TCHP: variants seen among roughly 807,000 people sequenced by gnomAD.
TCHP encodes trichoplein keratin filament-binding protein.
TCHP carries 81 observed loss-of-function variants against 88.7 expected under a neutral mutation model. The observed-to-expected ratio is 0.91, with a 90% CI of 0.76 to 1.10. The LOEUF is 1.10. TCHP is among the 50% of genes least tolerant of loss of function. The probability of loss-of-function intolerance (pLI) is 0.00; values close to 1 mark genes in which losing one functional copy is unlikely to be tolerated. For synonymous variants in TCHP, 232 were observed against 232.5 expected, an observed-to-expected ratio of 1.00 and a Z score of 0.02; for missense variants, 641 against 632.1, an observed-to-expected ratio of 1.01 and a Z score of -0.15.
chr12:109,908,976 C>CT, intron 8 of TCHP, 39 bp downstream of exon 8: 2 of 1,598,276 alleles, frequency 1.3e-6, no homozygotes, highest in Non-Finnish European at 1.7e-6. Context: ...TTCTTAGCCT[C>CT]TTTTGTAAAA....
chr12:109,893,961 ATTAC>A, the TCHP span, among the ~76,000 whole-genome samples: 1 of 152,150 alleles, frequency 6.6e-6, no homozygotes, highest in Non-Finnish European at 1.5e-5. Context: ...AGGCACGTGG[ATTAC>A]TTGAGGTCAG....
rs781558731 is a variant in TCHP, at chr12:109,907,511, T to C, written c.526-15T>C. 2 of 1,613,468 alleles carry C rather than the reference T, an allele frequency of 1.2e-6. No individual in the cohort carries two copies. The highest frequency in any genetic ancestry group is 2.2e-5 in the East Asian group (1 of 44,872). ...CGGTACAGATATTGACCTGTGTTCA[T>C]TTGGTCCCTTGTAGCAAGAAGCCAC... On this transcript the variant is annotated splice_polypyrimidine_tract_variant and intron_variant, in intron 5 of 12. Transcript: ENST00000405876.
At chr12:109,909,278 T>C (rs1395826175) in intron 8 of TCHP, among the ~76,000 whole-genome samples, 1 of 152,220 alleles carries the variant, frequency 6.6e-6, no homozygotes, top group Non-Finnish European at 1.5e-5. Flanking sequence ...CATAGATGGA[T>C]AGATACAGGT....
At chr12:109,915,357 C>T (rs923855349) in intron 11 of TCHP, 46 bp from the exon 12 acceptor site, 2 of 1,613,640 alleles carry the variant, frequency 1.2e-6, no homozygotes, top group Admixed American at 1.7e-5. Flanking sequence ...AGGGCTCTGC[C>T]CTGTGGGCCT....
At chr12:109,908,507 AATGGAG>A (rs1359467017) in intron 6 of TCHP, 73 bp from the exon 7 acceptor site, 101 of 1,278,198 alleles carry the variant, frequency 7.9e-5, no homozygotes, top group Non-Finnish European at 1.1e-4. Flanking sequence ...GTCTGCGAAA[AATGGAG>A]ATGGAGAATG....
chr12:109,884,006 A>T, the TCHP span, among the ~76,000 whole-genome samples: 49 of 152,030 alleles, frequency 3.2e-4, no homozygotes, highest in African/African-American at 1.1e-3. Context: ...GAGACTTTGG[A>T]GAACTGGGGG....
At chr12:109,889,743 T>C in the TCHP span, among the ~76,000 whole-genome samples, 5 of 152,200 alleles carry the variant, frequency 3.3e-5, no homozygotes, top group East Asian at 3.8e-4. Context: ...GTGTGGCTAT[T>C]ATGAATCGAT....
the TCHP span, among the ~76,000 whole-genome samples, chr12:109,895,230 G>A: frequency 1.5e-5 from 2 of 136,008 alleles, no homozygotes; most frequent in African/African-American, 5.7e-5. Flanking sequence ...TTTTTTCAGA[G>A]ACAGTGTCTC....
intron 9 of TCHP, 109 bp from the exon 10 acceptor site, chr12:109,912,882 G>T: frequency 1.3e-6 from 1 of 789,476 alleles, no homozygotes. Flanking sequence ...ATGTTTATCT[G>T]CAGTGTGGTC....
chr12:109,904,851 A>T, intron 4 of TCHP, 58 bp downstream of exon 4: 3 of 1,528,666 alleles, frequency 2.0e-6, no homozygotes, highest in Non-Finnish European at 2.7e-6. Flanking sequence ...GTTTCCAGAC[A>T]CTTTTTTTTT....
At chr12:109,908,792 A>G in intron 7 of TCHP, 79 bp from the exon 8 acceptor site, 2 of 1,573,308 alleles carry the variant, frequency 1.3e-6, no homozygotes, top group Non-Finnish European at 1.7e-6. Flanking sequence ...TAAAGGAGAC[A>G]GCCTGGTCAG....
rs1228410465 is a variant in TCHP, at chr12:109,904,847, A to G, written c.456+54A>G. 13 of 1,546,822 alleles carry G rather than the reference A, an allele frequency of 8.4e-6. No homozygotes were observed. In the East Asian group the frequency reaches 2.7e-4, roughly 32 times the overall value. On this transcript the variant is annotated intron_variant, in intron 4 of 12. Coordinates refer to ENST00000405876, the MANE Select transcript of TCHP (RefSeq NM_001143852.2). ...TCTAAGTAGATGAAATCATGTTTCCAGACACTTTTTTTTTTGAACACGTAT... is the reference window on the plus strand; with the variant it reads ...TCTAAGTAGATGAAATCATGTTTCCGGACACTTTTTTTTTTGAACACGTAT...
intron 1 of TCHP, among the ~76,000 whole-genome samples, chr12:109,902,527 G>A (rs951390515): frequency 6.6e-6 from 1 of 152,084 alleles, no homozygotes; most frequent in African/African-American, 2.4e-5. Flanking sequence ...AGGCTGGAGT[G>A]CAGTGGGACA....
Position 109,903,865 on chromosome 12 carries a change from C to T in TCHP, c.189-72C>T, listed in dbSNP as rs755323455. On this transcript the variant is annotated intron_variant, in intron 2 of 12. Coordinates refer to ENST00000405876, the MANE Select transcript of TCHP (RefSeq NM_001143852.2). This position sits in a 1 kb window ranked among gnomAD's most constrained non-coding sequence, Gnocchi z 4.6. ...ACACATCTACCTCAGCCTCTTTTAC[C>T]GACACAGCAGAGCAGAGCACGTTCC... 38 of 1,295,894 alleles carry T rather than the reference C, an allele frequency of 2.9e-5. No individual in the cohort carries two copies. The highest frequency in any genetic ancestry group is 9.9e-5 in the Admixed American group (5 of 50,436). 80.3% of individuals were successfully genotyped at this position (1,295,894 alleles called of 1,614,324 possible).
chr12:109,906,715 G>A (rs1433532236), intron 5 of TCHP, 75 bp downstream of exon 5: 17 of 1,289,230 alleles, frequency 1.3e-5, no homozygotes, highest in African/African-American at 1.5e-5. Context: ...TTCGTTTACC[G>A]TTTTCAGCAT....
intron 12 of TCHP, among the ~76,000 whole-genome samples, chr12:109,915,983 G>A (rs1870800543): frequency 6.6e-6 from 1 of 152,106 alleles, no homozygotes; most frequent in African/African-American, 2.4e-5. Flanking sequence ...CCTCCCGTGT[G>A]TGTATCTGTT....
At chr12:109,888,826 C>A in the TCHP span, among the ~76,000 whole-genome samples, 1 of 152,186 alleles carries the variant, frequency 6.6e-6, no homozygotes, top group African/African-American at 2.4e-5. Context: ...TGTATTCTCT[C>A]ACAGTTCTAA....
chr12:109,903,237 T>C lies in TCHP; in HGVS notation c.188+23T>C, dbSNP rs1254264076. On this transcript the variant is annotated intron_variant, in intron 2 of 12. Coordinates refer to ENST00000405876, the MANE Select transcript of TCHP (RefSeq NM_001143852.2). This position sits in a 1 kb window ranked among gnomAD's most constrained non-coding sequence, Gnocchi z 4.6. ...GAGGTAATTGTGCGGTAACTGCCGA[T>C]TGGATGGAAGTGGGGACCACTTGCT... 4 of 1,595,464 alleles carry C rather than the reference T, an allele frequency of 2.5e-6. No individual in the cohort carries two copies. Among genetic ancestry groups the C allele is most frequent in the Non-Finnish European group, 2.6e-6 (3 of 1,166,896 alleles).
intron 10 of TCHP, among the ~76,000 whole-genome samples, chr12:109,913,484 A>G (rs557673287): frequency 5.9e-5 from 9 of 152,060 alleles, no homozygotes; most frequent in African/African-American, 2.2e-4. Flanking sequence ...ATTCCCTCTT[A>G]TGGGTGTGCT....
Sources: allele counts gnomAD v4.1 joint callset (sites outside exome capture counted in the v4.1 genomes callset), GRCh38; gene constraint gnomAD v4.1.1; non-coding constraint Gnocchi (gnomAD v3.1); transcripts MANE v1.5; gene names NCBI Gene and HGNC (gene_info 2026-07-23, HGNC 2026-07-21).